CROCC: variants seen among roughly 807,000 people sequenced by gnomAD.
CROCC encodes the protein rootletin.
In CROCC, 180 loss-of-function variants were observed where a neutral mutation model predicts 245.2. That is an observed-to-expected ratio of 0.73 (90% CI 0.65 to 0.83). The LOEUF (loss-of-function observed/expected upper bound fraction) is 0.83, where lower values mean the gene tolerates loss of function less well. Among genes scored for constraint, CROCC ranks in the 40% least tolerant of loss-of-function variants. CROCC has a pLI of 0.00. For missense variants in CROCC, 2,688 were observed against 2,779.4 expected, an observed-to-expected ratio of 0.97 and a Z score of 0.74; for synonymous variants, 1,205 against 1,241.6, an observed-to-expected ratio of 0.97 and a Z score of 0.62.
chr1:16,969,407 A>AG (rs979590674), intron 32 of CROCC, 67 bp downstream of exon 32: 3 of 1,473,380 alleles, frequency 2.0e-6, no homozygotes, highest in Non-Finnish European at 1.9e-6. Context: ...GCAGGCTTGG[A>AG]GGGGGGCCCT....
chr1:16,964,914 C>T (rs1204893466), intron 27 of CROCC, among the ~76,000 whole-genome samples: 1 of 152,230 alleles, frequency 6.6e-6, no homozygotes, highest in African/African-American at 2.4e-5. Flanking sequence ...CTCCTGACCT[C>T]AGGTGATCCA....
Position 16,936,774 on chromosome 1 carries a change from C to G in CROCC, c.1094C>G (p.Ala365Gly). Residue 365 changes from alanine (A) to glycine (G), a missense_variant, in exon 9 of 37, where the codon GCC becomes GGC. Transcript: ENST00000375541. ...AALEKQALLQ[A>G]QLEEQLRDKV... ...CTGGAGAAACAGGCCCTGCTGCAGG[C>G]CCAGCTGGAGGAGCAGCTGCGGGAC... 1 of 1,611,726 alleles carries G rather than the reference C, an allele frequency of 6.2e-7. No individual in the cohort carries two copies. The highest frequency in any genetic ancestry group is 8.5e-7 in the Non-Finnish European group (1 of 1,179,692).
At chr1:16,928,803 AAAAAAATAAATAAATAAAATAAAAT>A (rs2075595705) in intron 3 of CROCC, among the ~76,000 whole-genome samples, 1 of 151,890 alleles carries the variant, frequency 6.6e-6, no homozygotes, top group Non-Finnish European at 1.5e-5. Flanking sequence ...ACTCTGTCTC[AAAAAAATAAATAAATAAAATAAAAT>A]AAAAAATAAA....
rs1383941244 is a variant in CROCC, at chr1:16,961,147, G to T, written c.4405+17G>T. ...CCGCAGAAGGTAAGGGCAGTGCCGC[G>T]CGCAGGGAAGGGGGGAGGTGGGCGG... On this transcript the variant is annotated intron_variant, in intron 27 of 36. Transcript: ENST00000375541. 6 of 1,299,980 alleles carry T rather than the reference G, an allele frequency of 4.6e-6. No individual in the cohort carries two copies. The highest frequency in any genetic ancestry group is 1.6e-5 in the African/African-American group (1 of 64,448). 80.5% of individuals were successfully genotyped at this position (1,299,980 alleles called of 1,614,324 possible). A position where few individuals can be genotyped will look rare whatever the true frequency, so the allele number is the denominator to read the frequency against.
rs977303140 is a variant in CROCC at position 16,960,977 on chromosome 1, G to C, written c.4252G>C (p.Glu1418Gln). ...GGGCCGGGCACAAGGCCTGGAGGCC[G>C]AGCTGGCCCGCGTGGAGGTGCAGCG... is the stretch of plus-strand genomic sequence containing the variant. ...AEGRAQGLEA[E>Q]LARVEVQRRA... Residue 1418 changes from glutamate (E) to glutamine (Q), a missense_variant, in exon 27 of 37, where the codon GAG (glutamate) becomes CAG (glutamine). Transcript: ENST00000375541. 7.4e-7 allele frequency: 1 copy of C among 1,350,020 alleles called. No homozygotes were observed. The highest frequency in any genetic ancestry group is 9.4e-7 in the Non-Finnish European group (1 of 1,058,840). 83.6% of individuals were successfully genotyped at this position (1,350,020 alleles called of 1,614,324 possible). A position where few individuals can be genotyped will look rare whatever the true frequency, so the allele number is the denominator to read the frequency against.
chr1:16,923,712 G>T (rs1351523096), intron 2 of CROCC, among the ~76,000 whole-genome samples: 5 of 121,192 alleles, frequency 4.1e-5, no homozygotes, highest in African/African-American at 1.6e-4. Flanking sequence ...ACAGAGTCTC[G>T]CTGTGTTGCC....
chr1:16,924,571 A>T lies in CROCC; in HGVS notation c.351+92A>T. The T allele has an allele frequency of 2.7e-6, 4 of 1,505,924 alleles. No homozygotes were observed. The South Asian group carries it at 5.1e-5, about 19-fold the overall frequency. The allele number at this position is 1,505,924 out of a possible 1,614,324, so 93.3% of individuals were successfully genotyped here. A position where few individuals can be genotyped will look rare whatever the true frequency, so the allele number is the denominator to read the frequency against. ...ACCAGGCCCACACACGGGGCAAAAG[A>T]TGGGCCCTGGAGTCAGGTTGGCCTG... On this transcript the variant is annotated intron_variant, in intron 3 of 36. Coordinates refer to ENST00000375541, the MANE Select transcript of CROCC (RefSeq NM_014675.5).
intron 13 of CROCC, among the ~76,000 whole-genome samples, chr1:16,943,257 A>G (rs1187401497): frequency 1.4e-5 from 2 of 143,770 alleles, no homozygotes; most frequent in East Asian, 2.1e-4. Context: ...AAAAAAAATT[A>G]CTGGGCGCAT....
intron 20 of CROCC, chr1:16,951,808 A>C (rs1395508377): frequency 1.3e-5 from 2 of 155,636 alleles, no homozygotes; most frequent in Admixed American, 6.3e-5. Flanking sequence ...GCTCCAGGGC[A>C]TGCCACTCAC....
At chr1:16,971,753 G>A (rs1160457165) in intron 36 of CROCC, 106 bp downstream of exon 36, 16 of 1,182,522 alleles carry the variant, frequency 1.4e-5, no homozygotes, top group Middle Eastern at 2.8e-4. Flanking sequence ...GATGGCTCCC[G>A]TAACCGAAAA....
At chr1:16,949,473 G>C (rs184604734) in intron 19 of CROCC, among the ~76,000 whole-genome samples, 2 of 152,346 alleles carry the variant, frequency 1.3e-5, no homozygotes, top group African/African-American at 4.8e-5. Context: ...TTCCAACCCG[G>C]GAGATGGTTT....
intron 20 of CROCC, 88 bp from the exon 21 acceptor site, chr1:16,953,214 C>T: frequency 8.3e-7 from 1 of 1,206,824 alleles, no homozygotes; most frequent in Non-Finnish European, 1.2e-6. Flanking sequence ...GGTATGGGGG[C>T]CAGATGGCTC....
At chr1:16,933,373 C>T (rs1463688811) in intron 8 of CROCC, among the ~76,000 whole-genome samples, 1 of 152,208 alleles carries the variant, frequency 6.6e-6, no homozygotes. Context: ...AGGCTGAGGC[C>T]CCAGACTCGC....
intron 11 of CROCC, 147 bp from the exon 12 acceptor site, chr1:16,938,762 A>G: frequency 1.2e-6 from 1 of 842,290 alleles, no homozygotes; most frequent in Non-Finnish European, 1.9e-6. Flanking sequence ...GGACTGAGCT[A>G]GTGGAGGAGG....
At chr1:16,955,199 A>ATAAC (rs2076229047) in intron 23 of CROCC, 113 bp from the exon 24 acceptor site, 2 of 986,556 alleles carry the variant, frequency 2.0e-6, no homozygotes, top group Admixed American at 4.2e-5. Flanking sequence ...CTGCGGTCTG[A>ATAAC]GCACTGCAGA....
chr1:16,916,020 A>G (rs187733384), intron 1 of CROCC, among the ~76,000 whole-genome samples: 467 of 151,970 alleles, frequency 3.1e-3, no homozygotes, highest in Non-Finnish European at 4.6e-3. Flanking sequence ...CTCTACTAAT[A>G]CAAAAATTAG....
intron 8 of CROCC, among the ~76,000 whole-genome samples, chr1:16,936,346 C>T (rs2075787406): frequency 6.6e-6 from 1 of 152,266 alleles, no homozygotes; most frequent in Admixed American, 6.5e-5. Flanking sequence ...CGGCTTACTG[C>T]AGTCTCCACT....
intron 3 of CROCC, among the ~76,000 whole-genome samples, chr1:16,928,981 C>T (rs1239859215): frequency 6.6e-6 from 1 of 152,136 alleles, no homozygotes; most frequent in Non-Finnish European, 1.5e-5. Flanking sequence ...TGCATGACAC[C>T]ACGCCCAGCT....
intron 10 of CROCC, 148 bp downstream of exon 10, chr1:16,937,885 G>A (rs1392274207): frequency 2.8e-6 from 2 of 713,666 alleles, no homozygotes; most frequent in South Asian, 1.7e-5. Context: ...CAGGCTTTGT[G>A]GGAAGCACAC....
Sources: gnomAD v4.1 joint callset for allele counts (sites outside exome capture counted in the v4.1 genomes callset) on GRCh38, gnomAD v4.1.1 for gene constraint, MANE v1.5 for transcripts, NCBI Gene and HGNC (gene_info 2026-07-23, HGNC 2026-07-21) for gene names.